SCAPER: variants seen among roughly 807,000 people sequenced by gnomAD.
SCAPER encodes the protein S phase cyclin A-associated protein in the endoplasmic reticulum.
A neutral mutation model predicts 182.2 loss-of-function variants in SCAPER; 98 were observed. That is an observed-to-expected ratio of 0.54 (90% CI 0.46 to 0.64). The LOEUF is 0.64. SCAPER is among the 30% of genes least tolerant of loss of function. The pLI, the probability that SCAPER is intolerant of heterozygous loss-of-function variation, is 0.00. For missense variants in SCAPER, 1,432 were observed against 1,690.0 expected (o/e 0.85, Z 2.68); for synonymous variants, 605 against 564.6 (o/e 1.07, Z -1.01).
At chr15:76,503,543 A>C (rs2143792395) in intron 24 of SCAPER, among the ~76,000 whole-genome samples, 1 of 152,354 alleles carries the variant, frequency 6.6e-6, no homozygotes, top group South Asian at 2.1e-4. Context: ...AACATTTATA[A>C]TGTAACTTTA....
chr15:76,420,019 G>A (rs2045918805), intron 26 of SCAPER, among the ~76,000 whole-genome samples: 1 of 152,042 alleles, frequency 6.6e-6, no homozygotes, highest in African/African-American at 2.4e-5. Context: ...CACATGAACA[G>A]AAAGAAAGAC....
chr15:76,558,012 AG>A (rs2046321218), intron 23 of SCAPER, among the ~76,000 whole-genome samples: 1 of 152,256 alleles, frequency 6.6e-6, no homozygotes, highest in Non-Finnish European at 1.5e-5. Context: ...AATGGATTAA[AG>A]ACTTAAATAT....
rs556159082 is a variant in SCAPER at position 76,673,611 on chromosome 15, A to G, written c.2509-7822T>C. On this transcript the variant is annotated intron_variant, in intron 20 of 31. Transcript: ENST00000563290. ...AATGCAGAGGAGGCTGAACAGACAC[A>G]CACATATACACGTATTTCATTTCTT... Among the ~76,000 whole-genome samples the G allele has an allele frequency of 3.1e-3, 472 of 152,278 alleles. 5 individuals carry two copies. The highest frequency in any genetic ancestry group is 0.011 in the African/African-American group (452 of 41,566).
intron 21 of SCAPER, among the ~76,000 whole-genome samples, chr15:76,650,062 G>A (rs1047082718): frequency 6.6e-6 from 1 of 152,116 alleles, no homozygotes; most frequent in Non-Finnish European, 1.5e-5. Flanking sequence ...GCAGAGGAAA[G>A]GAAGATGGAC....
intron 21 of SCAPER, among the ~76,000 whole-genome samples, chr15:76,652,271 AAAATATATATATATATATAT>A (rs2055139328): frequency 6.5e-5 from 1 of 15,364 alleles, no homozygotes; most frequent in Non-Finnish European, 1.2e-4. Flanking sequence ...AAAAAAAAAA[AAAATATATATATATATATAT>A]ATATATATAT....
intron 18 of SCAPER, 144 bp from the exon 19 acceptor site, chr15:76,703,146 A>G: frequency 2.4e-6 from 2 of 842,700 alleles, no homozygotes; most frequent in Non-Finnish European, 3.5e-6. Context: ...AAAGCTTTAC[A>G]CAAAGCCCTT....
chr15:76,616,551 T>C (rs1481335080), intron 22 of SCAPER, among the ~76,000 whole-genome samples: 1 of 152,162 alleles, frequency 6.6e-6, no homozygotes, highest in South Asian at 2.1e-4. Flanking sequence ...GATGATGTAA[T>C]AGCTACACAA....
At chr15:76,720,010 T>C (rs967550420) in intron 17 of SCAPER, among the ~76,000 whole-genome samples, 5 of 152,084 alleles carry the variant, frequency 3.3e-5, no homozygotes, top group Admixed American at 1.3e-4. Context: ...ACATGTGCCA[T>C]GTTGGTGTGC....
intron 23 of SCAPER, among the ~76,000 whole-genome samples, chr15:76,543,011 AT>A (rs970474616): frequency 3.2e-4 from 49 of 152,192 alleles, no homozygotes; most frequent in African/African-American, 1.0e-3. Context: ...AACTCAGTAC[AT>A]TTTTTTAATT....
At chr15:76,513,427 G>C (rs919796999) in intron 23 of SCAPER, among the ~76,000 whole-genome samples, 1 of 152,098 alleles carries the variant, frequency 6.6e-6, no homozygotes, top group Non-Finnish European at 1.5e-5. Context: ...GACAGAAAGG[G>C]AAAATCAAGC....
At chr15:76,888,240 C>T (rs2073963432) in intron 1 of SCAPER, among the ~76,000 whole-genome samples, 1 of 152,200 alleles carries the variant, frequency 6.6e-6, no homozygotes, top group African/African-American at 2.4e-5. Context: ...AGCAGAAAAG[C>T]TGAAAATTCT....
At chr15:76,849,745 C>T (rs753156473) in intron 4 of SCAPER, among the ~76,000 whole-genome samples, 2 of 152,216 alleles carry the variant, frequency 1.3e-5, no homozygotes, top group Non-Finnish European at 2.9e-5. Flanking sequence ...AAATACGCTG[C>T]TGTGTTAGTC....
At chr15:76,610,287 G>C (rs192790180) in intron 22 of SCAPER, among the ~76,000 whole-genome samples, 184 of 152,092 alleles carry the variant, frequency 1.2e-3, no homozygotes, top group Non-Finnish European at 2.0e-3. Context: ...CACCATGCAT[G>C]TCCCTCAAGA....
chr15:76,875,021 C>G (rs894910042), intron 2 of SCAPER, among the ~76,000 whole-genome samples: 2 of 151,732 alleles, frequency 1.3e-5, no homozygotes, highest in African/African-American at 4.9e-5. Context: ...ATTTGTAAAT[C>G]TCTTTGAAAC....
At chr15:76,540,523 T>A (rs1205167879) in intron 23 of SCAPER, among the ~76,000 whole-genome samples, 2 of 152,164 alleles carry the variant, frequency 1.3e-5, no homozygotes, top group Non-Finnish European at 1.5e-5. Flanking sequence ...TACACGTCTA[T>A]ATTTTTATTT....
At chr15:76,424,614 T>C (rs1300730721) in intron 26 of SCAPER, among the ~76,000 whole-genome samples, 2 of 152,246 alleles carry the variant, frequency 1.3e-5, no homozygotes, top group Non-Finnish European at 2.9e-5. Flanking sequence ...TTAGCCCGTT[T>C]ACATTTAAGG....
rs1454121199 is a variant in SCAPER, at chr15:76,676,076, C to T, written c.2509-10287G>A. On this transcript the variant is annotated intron_variant, in intron 20 of 31. Coordinates refer to ENST00000563290, the MANE Select transcript of SCAPER (RefSeq NM_020843.4). ...CTGACCTCAGGTGATCCACCCACCT[C>T]GGCCTTCCAAAGTGCCGAGATTACA... 7.2e-5 allele frequency among the ~76,000 whole-genome samples: 11 copies of T among 152,304 alleles called. No individual in the cohort carries two copies. In the East Asian group the frequency reaches 9.7e-4, roughly 13 times the overall value.
intron 2 of SCAPER, 45 bp downstream of exon 2, chr15:76,883,767 G>A: frequency 1.4e-6 from 2 of 1,440,686 alleles, no homozygotes; most frequent in African/African-American, 2.9e-5. Flanking sequence ...AGGAAGAAAA[G>A]AGAAAGGCAA....
At chr15:76,422,944 C>A (rs572240042) in intron 26 of SCAPER, among the ~76,000 whole-genome samples, 5 of 152,144 alleles carry the variant, frequency 3.3e-5, no homozygotes, top group African/African-American at 4.8e-5. Context: ...ATATGTTGAA[C>A]CAGCCTTGCA....
Sources: gnomAD v4.1 joint callset for allele counts (sites outside exome capture counted in the v4.1 genomes callset) on GRCh38, gnomAD v4.1.1 for gene constraint, MANE v1.5 for transcripts, NCBI Gene and HGNC (gene_info 2026-07-23, HGNC 2026-07-21) for gene names.